CPS1: variants seen among roughly 807,000 people sequenced by gnomAD.
CPS1 encodes the protein carbamoyl-phosphate synthase [ammonia], mitochondrial.
In CPS1, 109 loss-of-function variants were observed where a neutral mutation model predicts 174.6. The ratio of observed to expected loss-of-function variants is 0.62; its 90% CI spans 0.53 to 0.73. CPS1 has a LOEUF of 0.73. Among genes scored for constraint, CPS1 ranks in the 30% least tolerant of loss-of-function variants. CPS1 has a pLI of 0.00. For synonymous variants in CPS1, 637 were observed against 632.0 expected, an observed-to-expected ratio of 1.01 and a Z score of -0.12; for missense variants, 1,689 against 1,821.9, an observed-to-expected ratio of 0.93 and a Z score of 1.33.
chr2:210,628,068 T>C (rs1023349883), intron 21 of CPS1, among the ~76,000 whole-genome samples: 3 of 152,198 alleles, frequency 2.0e-5, no homozygotes, highest in African/African-American at 7.2e-5. Flanking sequence ...AAGTAGGTAT[T>C]TTGACACCAT....
chr2:210,513,198 A>C, intron 1 of CPS1, among the ~76,000 whole-genome samples: 1 of 149,736 alleles, frequency 6.7e-6, no homozygotes. Flanking sequence ...CTCTCTCCAT[A>C]ATGGGATTGC....
At chr2:210,512,844 A>T (rs1695542096) in intron 1 of CPS1, among the ~76,000 whole-genome samples, 1 of 100,028 alleles carries the variant, frequency 1.0e-5, no homozygotes, top group Non-Finnish European at 1.9e-5. Context: ...ATATACATAT[A>T]TGGAGATATA....
chr2:210,570,100 A>T (rs1476386177), intron 1 of CPS1, among the ~76,000 whole-genome samples: 1 of 151,978 alleles, frequency 6.6e-6, no homozygotes, highest in Non-Finnish European at 1.5e-5. Flanking sequence ...AGATAAGTCA[A>T]TTGGCACTCA....
intron 21 of CPS1, among the ~76,000 whole-genome samples, chr2:210,625,458 G>T (rs1366852411): frequency 6.6e-6 from 1 of 152,038 alleles, no homozygotes. Context: ...AAGTCTCGAT[G>T]TACAGTTTTT....
intron 1 of CPS1, among the ~76,000 whole-genome samples, chr2:210,561,273 T>A (rs1697091460): frequency 6.6e-6 from 1 of 152,128 alleles, no homozygotes; most frequent in Non-Finnish European, 1.5e-5. Context: ...GTGTATCTCT[T>A]TGAGAGTTAG....
intron 21 of CPS1, among the ~76,000 whole-genome samples, chr2:210,626,529 C>T (rs942677218): frequency 2.6e-5 from 4 of 152,104 alleles, no homozygotes; most frequent in African/African-American, 9.7e-5. Flanking sequence ...TATGTATCTA[C>T]TAATTAGCTA....
chr2:210,593,703 C>A (rs564826370), intron 11 of CPS1: 1 of 959,520 alleles, frequency 1.0e-6, no homozygotes, highest in East Asian at 1.2e-4. Flanking sequence ...TAAGAGCTTT[C>A]TTTCTGCAAG....
At chr2:210,632,417 C>CTT in intron 21 of CPS1, among the ~76,000 whole-genome samples, 1 of 151,606 alleles carries the variant, frequency 6.6e-6, no homozygotes, top group Admixed American at 6.6e-5. Flanking sequence ...TTTGAACTGT[C>CTT]TTTTTTTTTC....
chr2:210,550,850 G>A (rs1226117752), intron 1 of CPS1, among the ~76,000 whole-genome samples: 2 of 151,766 alleles, frequency 1.3e-5, no homozygotes, highest in African/African-American at 2.4e-5. Flanking sequence ...AAGATTGAAA[G>A]ACTTTGCTTA....
chr2:210,575,491 G>A (rs547636122), intron 2 of CPS1, among the ~76,000 whole-genome samples: 1 of 146,432 alleles, frequency 6.8e-6, no homozygotes, highest in East Asian at 2.0e-4. Context: ...GTGTGTGTGT[G>A]TATATACACA....
chr2:210,581,143 C>A (rs1697910172), intron 5 of CPS1, among the ~76,000 whole-genome samples: 1 of 152,066 alleles, frequency 6.6e-6, no homozygotes. Context: ...TTCTTGTGTT[C>A]TCTCAGCCTA....
At chr2:210,625,476 A>G (rs1008368438) in intron 21 of CPS1, among the ~76,000 whole-genome samples, 2 of 152,088 alleles carry the variant, frequency 1.3e-5, no homozygotes, top group Non-Finnish European at 2.9e-5. Context: ...TTTAGGAGGT[A>G]TGTGTCTCTA....
chr2:210,538,581 A>G (rs1231864409), intron 1 of CPS1, among the ~76,000 whole-genome samples: 1 of 152,102 alleles, frequency 6.6e-6, no homozygotes, highest in Non-Finnish European at 1.5e-5. Context: ...ATTGATCCCT[A>G]TTTAATTACT....
At chr2:210,539,679 A>G (rs1173687595) in intron 1 of CPS1, among the ~76,000 whole-genome samples, 1 of 152,132 alleles carries the variant, frequency 6.6e-6, no homozygotes, top group Admixed American at 6.5e-5. Flanking sequence ...GTCCTCCTTG[A>G]TATCTGCAGA....
chr2:210,589,528 C>G lies in CPS1; in HGVS notation c.712-578C>G, dbSNP rs1559091838. 2.6e-5 allele frequency among the ~76,000 whole-genome samples: 4 copies of G among 152,136 alleles called. No individual in the cohort carries two copies. In the South Asian group the frequency reaches 8.3e-4, roughly 32 times the overall value. ...AAAATGGATTTATATCTTTTTGCAA[C>G]TGGTCGTGTGAAGGTAACCTACTCT... On this transcript the variant is annotated intron_variant, in intron 7 of 37. Coordinates refer to ENST00000233072, the MANE Select transcript of CPS1 (RefSeq NM_001875.5).
At chr2:210,596,589 A>G (rs1319430378) in intron 13 of CPS1, among the ~76,000 whole-genome samples, 1 of 151,884 alleles carries the variant, frequency 6.6e-6, no homozygotes, top group Non-Finnish European at 1.5e-5. Context: ...ACTCTCCTCC[A>G]TTCATGTGCA....
chr2:210,525,550 CAGTT>C (rs1695948889), intron 1 of CPS1, among the ~76,000 whole-genome samples: 1 of 151,502 alleles, frequency 6.6e-6, no homozygotes, highest in Non-Finnish European at 1.5e-5. Context: ...GATGACTCAA[CAGTT>C]AGAGTGGGGA....
rs777617670 is a variant in CPS1, at chr2:210,576,439, T to C, written c.330T>C (p.Thr110=). The C allele has an allele frequency of 1.5e-5, 25 of 1,613,614 alleles. No individual in the cohort carries two copies. The highest frequency in any genetic ancestry group is 1.9e-5 in the Non-Finnish European group (22 of 1,179,716). The change falls in exon 3 of 38, where the codon ACT becomes ACC. Residue 110 remains threonine (T), a synonymous_variant. Coordinates refer to ENST00000233072, the MANE Select transcript of CPS1 (RefSeq NM_001875.5). ...IIGNGGAPDT[T]ALDELGLSKY... is the part of the protein sequence containing the mutation. ...GGAATGGTGGAGCTCCTGATACTAC[T>C]GCTCTGGATGAACTGGGACTTAGCA...
At chr2:210,639,616 C>T (rs1700149003) in intron 23 of CPS1, among the ~76,000 whole-genome samples, 1 of 65,154 alleles carries the variant, frequency 1.5e-5, no homozygotes, top group Non-Finnish European at 2.4e-5. Context: ...GAGACTCCGT[C>T]TCAAAAAAAA....
Sources: gnomAD v4.1 joint callset for allele counts (sites outside exome capture counted in the v4.1 genomes callset) on GRCh38, gnomAD v4.1.1 for gene constraint, MANE v1.5 for transcripts, NCBI Gene and HGNC (gene_info 2026-07-23, HGNC 2026-07-21) for gene names.